MALRD1: variants seen among roughly 807,000 people sequenced by gnomAD.
MALRD1 encodes MAM and LDL-receptor class A domain-containing protein 1.
Under a neutral mutation model 242.1 loss-of-function variants are expected in MALRD1, and 247 were observed. The ratio of observed to expected loss-of-function variants is 1.02; its 90% CI spans 0.92 to 1.13. MALRD1 has a LOEUF of 1.13. MALRD1 is among the 50% of genes most tolerant of loss of function. The pLI is 0.00. For missense variants in MALRD1, 2,989 were observed against 2,533.1 expected, an observed-to-expected ratio of 1.18 and a Z score of -3.86; for synonymous variants, 995 against 866.6, an observed-to-expected ratio of 1.15 and a Z score of -2.60.
intron 24 of MALRD1, among the ~76,000 whole-genome samples, chr10:19,336,791 C>T (rs916109909): frequency 6.6e-6 from 1 of 151,926 alleles, no homozygotes; most frequent in Non-Finnish European, 1.5e-5. Context: ...TAGGTAATAG[C>T]ACAAATTAAT....
At chr10:19,603,844 A>G (rs1336475791) in intron 34 of MALRD1, among the ~76,000 whole-genome samples, 1 of 152,150 alleles carries the variant, frequency 6.6e-6, no homozygotes, top group African/African-American at 2.4e-5. Flanking sequence ...CTGTGGTGCC[A>G]TGAACCATGC....
At chr10:19,536,916 A>C (rs1589214965) in intron 32 of MALRD1, among the ~76,000 whole-genome samples, 1 of 152,236 alleles carries the variant, frequency 6.6e-6, no homozygotes, top group East Asian at 1.9e-4. Flanking sequence ...ATTTGATATT[A>C]ATGGTAAGAA....
At chr10:19,149,155 G>A (rs965610524) in intron 11 of MALRD1, among the ~76,000 whole-genome samples, 1 of 151,260 alleles carries the variant, frequency 6.6e-6, no homozygotes, top group African/African-American at 2.4e-5. Context: ...TCACTTAGTT[G>A]CTCAGGCTGG....
chr10:19,597,968 A>T (rs1003421833), intron 34 of MALRD1, among the ~76,000 whole-genome samples: 1 of 152,158 alleles, frequency 6.6e-6, no homozygotes, highest in Admixed American at 6.6e-5. Flanking sequence ...TTGTGTTGCT[A>T]GAGCAGAGCC....
At position 19,530,382 on chromosome 10, in the gene MALRD1, T is replaced by TAAA. The variant is rs71200983; in HGVS notation, c.5321-812_5321-811insAAA. ...ATTTATATAAATATTTATATAAATA[T>TAAA]TATATATTTATATAAATATTATATA... On this transcript the variant is annotated intron_variant, in intron 31 of 39. Transcript: ENST00000454679. 7.9e-4 allele frequency among the ~76,000 whole-genome samples: 13 copies of TAAA among 16,540 alleles called. 1 individual carries two copies. The highest frequency in any genetic ancestry group is 4.8e-4 in the Non-Finnish European group (3 of 6,314). 10.9% of individuals were successfully genotyped at this position (16,540 alleles called of 152,430 possible).
intron 28 of MALRD1, among the ~76,000 whole-genome samples, chr10:19,422,907 C>T (rs1833768502): frequency 2.0e-5 from 3 of 152,166 alleles, no homozygotes; most frequent in Admixed American, 1.3e-4. Flanking sequence ...CTGTTTCTAT[C>T]TCACTTCAGG....
intron 30 of MALRD1, among the ~76,000 whole-genome samples, chr10:19,492,944 T>C (rs953134857): frequency 6.6e-6 from 1 of 152,154 alleles, no homozygotes; most frequent in Non-Finnish European, 1.5e-5. Context: ...TCCAATGGGC[T>C]CATTTTCTAT....
At chr10:19,546,592 G>GT (rs1835217889) in intron 32 of MALRD1, among the ~76,000 whole-genome samples, 1 of 152,146 alleles carries the variant, frequency 6.6e-6, no homozygotes, top group African/African-American at 2.4e-5. Context: ...CTTCTCTTTG[G>GT]TCTTTGTCCC....
intron 13 of MALRD1, 99 bp downstream of exon 13, chr10:19,165,909 G>A (rs1211165632): frequency 4.6e-6 from 4 of 875,038 alleles, no homozygotes; most frequent in Non-Finnish European, 6.0e-6. Flanking sequence ...TACCTTTTCA[G>A]GTGAGCACAT....
intron 33 of MALRD1, among the ~76,000 whole-genome samples, chr10:19,590,657 G>A (rs1055321072): frequency 2.6e-5 from 4 of 151,754 alleles, no homozygotes; most frequent in Admixed American, 1.3e-4. Context: ...TCTCACCACC[G>A]GTATTTTATT....
chr10:19,149,156 C>A (rs1481584901), intron 11 of MALRD1, among the ~76,000 whole-genome samples: 1 of 151,812 alleles, frequency 6.6e-6, no homozygotes, highest in African/African-American at 2.4e-5. Context: ...CACTTAGTTG[C>A]TCAGGCTGGA....
intron 2 of MALRD1, among the ~76,000 whole-genome samples, chr10:19,087,343 G>GTA (rs1406608290): frequency 1.3e-4 from 20 of 151,990 alleles, no homozygotes; most frequent in African/African-American, 4.8e-4. Context: ...ATTATAGGGA[G>GTA]TATATAATTG....
intron 33 of MALRD1, among the ~76,000 whole-genome samples, chr10:19,574,614 G>C (rs1323533500): frequency 2.0e-5 from 3 of 152,264 alleles, no homozygotes; most frequent in African/African-American, 4.8e-5. Context: ...TGGAGAGCTT[G>C]GTCTAAACTA....
intron 21 of MALRD1, among the ~76,000 whole-genome samples, chr10:19,301,754 G>A (rs2499086): frequency 0.45 from 67,874 of 151,338 alleles, 15,371 homozygotes; most frequent in South Asian, 0.61. Context: ...AATGCTACCT[G>A]TTGGGTACTA....
chr10:19,315,523 C>T (rs10827270), intron 21 of MALRD1, among the ~76,000 whole-genome samples: 2 of 59,036 alleles, frequency 3.4e-5, no homozygotes, highest in African/African-American at 7.7e-5. Flanking sequence ...AAATATATAA[C>T]TATAATTTAT....
At chr10:19,107,535 G>A (rs1836506702) in intron 5 of MALRD1, among the ~76,000 whole-genome samples, 1 of 147,186 alleles carries the variant, frequency 6.8e-6, no homozygotes, top group African/African-American at 2.5e-5. Flanking sequence ...CAGGTGATGT[G>A]AGTCTCTTCT....
intron 24 of MALRD1, among the ~76,000 whole-genome samples, chr10:19,346,159 A>G (rs1844111465): frequency 6.6e-6 from 1 of 152,190 alleles, no homozygotes; most frequent in Non-Finnish European, 1.5e-5. Flanking sequence ...AGATAATTTT[A>G]TCTGACTTGG....
At chr10:19,205,541 A>C (rs368833793) in intron 17 of MALRD1, among the ~76,000 whole-genome samples, 16 of 152,068 alleles carry the variant, frequency 1.1e-4, no homozygotes, top group African/African-American at 3.6e-4. Context: ...ACAAATATCT[A>C]AATATTTAAT....
intron 5 of MALRD1, among the ~76,000 whole-genome samples, chr10:19,121,761 G>T (rs1310813007): frequency 2.6e-5 from 4 of 152,186 alleles, no homozygotes; most frequent in Non-Finnish European, 4.4e-5. Context: ...CAGCTGGCCA[G>T]TGAGATTGAT....
Sources: allele counts gnomAD v4.1 joint callset (sites outside exome capture counted in the v4.1 genomes callset), GRCh38; gene constraint gnomAD v4.1.1; transcripts MANE v1.5; gene names NCBI Gene and HGNC (gene_info 2026-07-23, HGNC 2026-07-21).